The following KIAA1549L variants were observed in gnomAD, a reference collection of about 807,000 sequenced individuals.
KIAA1549L encodes the protein UPF0606 protein KIAA1549L.
Under a neutral mutation model 160.7 loss-of-function variants are expected in KIAA1549L, and 88 were observed. The observed-to-expected ratio is 0.55, with a 90% CI of 0.46 to 0.65. KIAA1549L has a LOEUF of 0.65. KIAA1549L is among the 30% of genes least tolerant of loss of function. KIAA1549L has a pLI of 0.00. For missense variants in KIAA1549L, 2,258 were observed against 2,437.5 expected (o/e 0.93, Z 1.55); for synonymous variants, 950 against 976.7 (o/e 0.97, Z 0.51).
chr11:33,478,747 T>C (rs1852346442), intron 1 of KIAA1549L, among the ~76,000 whole-genome samples: 1 of 152,190 alleles, frequency 6.6e-6, no homozygotes, highest in South Asian at 2.1e-4. Context: ...ATTATTATTA[T>C]TATGATTTTA....
At chr11:33,399,620 C>T (rs1850457095) in intron 1 of KIAA1549L, among the ~76,000 whole-genome samples, 1 of 152,232 alleles carries the variant, frequency 6.6e-6, no homozygotes, top group Admixed American at 6.5e-5. Context: ...TCTGAATCCC[C>T]CAGCTCTGCC....
At chr11:33,384,893 C>T (rs191460506) in intron 1 of KIAA1549L, among the ~76,000 whole-genome samples, 94 of 149,536 alleles carry the variant, frequency 6.3e-4, no homozygotes, top group Non-Finnish European at 1.2e-3. Flanking sequence ...TGTGTTCTCC[C>T]GGTCTGTGGC....
At chr11:33,435,826 A>ATGTG in intron 1 of KIAA1549L, among the ~76,000 whole-genome samples, 1 of 60,078 alleles carries the variant, frequency 1.7e-5, no homozygotes, top group Non-Finnish European at 3.0e-5. Context: ...GTGTATATAT[A>ATGTG]TATATGTATA....
chr11:33,651,166 G>A (rs1001641630), intron 17 of KIAA1549L, among the ~76,000 whole-genome samples: 1 of 152,190 alleles, frequency 6.6e-6, no homozygotes, highest in Admixed American at 6.5e-5. Flanking sequence ...CTAGGTTCTT[G>A]CAATTTAGTA....
intron 1 of KIAA1549L, among the ~76,000 whole-genome samples, chr11:33,460,276 G>T (rs35716241): frequency 1.3e-5 from 2 of 151,996 alleles, no homozygotes; most frequent in Non-Finnish European, 2.9e-5. Context: ...CTGATGGGAG[G>T]GGGGAGCATG....
At chr11:33,485,947 G>A (rs1852515587) in intron 1 of KIAA1549L, among the ~76,000 whole-genome samples, 1 of 152,120 alleles carries the variant, frequency 6.6e-6, no homozygotes, top group African/African-American at 2.4e-5. Flanking sequence ...CATCACAAAT[G>A]ACAGGATTTC....
chr11:33,552,273 TGACA>T (rs751407364), intron 6 of KIAA1549L, 32 bp downstream of exon 6: 1 of 1,582,860 alleles, frequency 6.3e-7, no homozygotes, highest in East Asian at 2.3e-5. Context: ...GCTGTGTAGT[TGACA>T]GACAACCACA....
intron 16 of KIAA1549L, among the ~76,000 whole-genome samples, chr11:33,620,126 G>GT (rs1235346759): frequency 2.0e-5 from 3 of 152,154 alleles, no homozygotes; most frequent in African/African-American, 7.2e-5. Context: ...ATTGCAGATC[G>GT]TTTTTTAACC....
rs80190448 is a variant in KIAA1549L at position 33,553,928 on chromosome 11, T to C, written c.3855+1687T>C. ...AGTAACAAACCTTCCTTGGAAAAGATGATAGGAGGTGATTCGAAGATTACA... is the reference window on the plus strand; with the variant it reads ...AGTAACAAACCTTCCTTGGAAAAGACGATAGGAGGTGATTCGAAGATTACA... On this transcript the variant is annotated intron_variant, in intron 6 of 20. Transcript: ENST00000658780. 5.2e-3 allele frequency among the ~76,000 whole-genome samples: 787 copies of C among 152,306 alleles called. 4 individuals are homozygous for C. Among genetic ancestry groups the C allele is most frequent in the African/African-American group, 0.018 (731 of 41,554 alleles).
intron 1 of KIAA1549L, among the ~76,000 whole-genome samples, chr11:33,452,708 G>C (rs1851746333): frequency 6.6e-6 from 1 of 152,190 alleles, no homozygotes; most frequent in Admixed American, 6.5e-5. Context: ...ACCTTCTAGT[G>C]ATTGGCTGTT....
intron 16 of KIAA1549L, among the ~76,000 whole-genome samples, chr11:33,636,532 T>C (rs921179232): frequency 6.6e-6 from 1 of 151,996 alleles, no homozygotes; most frequent in Non-Finnish European, 1.5e-5. Flanking sequence ...GGTTTCACCA[T>C]GTTGGCCAGG....
At chr11:33,511,490 T>C (rs144544480) in intron 1 of KIAA1549L, among the ~76,000 whole-genome samples, 2 of 152,116 alleles carry the variant, frequency 1.3e-5, no homozygotes, top group African/African-American at 2.4e-5. Context: ...GTATTTCCAA[T>C]GGGAAGATGC....
At chr11:33,574,898 G>C in intron 10 of KIAA1549L, 25 bp downstream of exon 10, 1 of 1,596,900 alleles carries the variant, frequency 6.3e-7, no homozygotes, top group Non-Finnish European at 8.6e-7. Flanking sequence ...TTTTTATTCA[G>C]TCTTTTTAAT....
rs1850421964 is a variant in KIAA1549L at position 33,603,665 on chromosome 11, G to T, written c.4880-2976G>T. ...CTACTAAAAATACAAAAATTAGCTG[G>T]GCGTGGTGGCGGGGCCTGTAATCCC... On this transcript the variant is annotated intron_variant, in intron 13 of 20. Coordinates refer to ENST00000658780, the MANE Select transcript of KIAA1549L (RefSeq NM_012194.3). 3.3e-5 allele frequency among the ~76,000 whole-genome samples: 5 copies of T among 152,196 alleles called. No homozygotes were observed. The South Asian group carries it at 1.0e-3, about 32-fold the overall frequency.
chr11:33,607,557 C>T (rs1850540091), intron 14 of KIAA1549L, among the ~76,000 whole-genome samples: 1 of 152,086 alleles, frequency 6.6e-6, no homozygotes, highest in Non-Finnish European at 1.5e-5. Context: ...TGAACATTTA[C>T]ATTACATGTG....
At chr11:33,557,802 G>A (rs1391373529) in intron 6 of KIAA1549L, among the ~76,000 whole-genome samples, 3 of 152,084 alleles carry the variant, frequency 2.0e-5, no homozygotes, top group Admixed American at 6.6e-5. Context: ...TGGGAGGATC[G>A]CTTAAGCCTA....
At chr11:33,654,438 G>C (rs972657792) in intron 17 of KIAA1549L, among the ~76,000 whole-genome samples, 4 of 152,142 alleles carry the variant, frequency 2.6e-5, no homozygotes, top group African/African-American at 4.8e-5. Context: ...AGCTCCACTT[G>C]CTTCATCTTA....
At chr11:33,641,316 G>A (rs1307956991) in intron 16 of KIAA1549L, among the ~76,000 whole-genome samples, 3 of 152,030 alleles carry the variant, frequency 2.0e-5, no homozygotes, top group Non-Finnish European at 4.4e-5. Flanking sequence ...AACCCTGAAG[G>A]AGTTCCCAGT....
intron 1 of KIAA1549L, among the ~76,000 whole-genome samples, chr11:33,506,407 A>G (rs1853089738): frequency 6.6e-6 from 1 of 152,186 alleles, no homozygotes; most frequent in Non-Finnish European, 1.5e-5. Context: ...TTTCATCACC[A>G]TTTCTGCTAT....
Sources: allele counts gnomAD v4.1 joint callset (sites outside exome capture counted in the v4.1 genomes callset), GRCh38; gene constraint gnomAD v4.1.1; transcripts MANE v1.5; gene names NCBI Gene and HGNC (gene_info 2026-07-23, HGNC 2026-07-21).